FAP: variants seen among roughly 807,000 people sequenced by gnomAD.
FAP encodes fibroblast activation protein alpha.
In FAP, 110 loss-of-function variants were observed where a neutral mutation model predicts 126.5. That is an observed-to-expected ratio of 0.87 (90% CI 0.74 to 1.02). The LOEUF (loss-of-function observed/expected upper bound fraction) is 1.02. Ranked by LOEUF, FAP falls within the 50% of genes least tolerant of loss-of-function variation. FAP has a pLI of 0.00. For missense variants in FAP, 919 were observed against 909.2 expected (o/e 1.01, Z -0.14); for synonymous variants, 334 against 297.3 (o/e 1.12, Z -1.27).
Position 162,219,934 on chromosome 2 carries a change from A to G in FAP, c.414-9T>C, listed in dbSNP as rs371341712. ...TTCCTCTTACAAATTCTCTAGAAGG[A>G]AAGAAAGAAAGAAAAACAACAAACC... is the stretch of plus-strand genomic sequence containing the variant. On this transcript the variant is annotated splice_polypyrimidine_tract_variant and intron_variant, in intron 6 of 25. Coordinates refer to ENST00000188790, the MANE Select transcript of FAP (RefSeq NM_004460.5). 22 of 1,579,322 alleles carry G rather than the reference A, an allele frequency of 1.4e-5. No individual in the cohort carries two copies. In the African/African-American group the frequency reaches 3.0e-4, roughly 21 times the overall value.
chr2:162,188,287 C>A lies in FAP; in HGVS notation c.1696G>T (p.Gly566Trp). 6.2e-7 allele frequency: 1 copy of A among 1,613,380 alleles called. No homozygotes were observed. The highest frequency in any genetic ancestry group is 8.5e-7 in the Non-Finnish European group (1 of 1,179,548). Residue 566 changes from glycine (G) to tryptophan (W), a missense_variant, in exon 20 of 26, where the codon GGG (glycine) becomes TGG (tryptophan). Transcript: ENST00000188790. ...NWISYLASKE[G>W]MVIALVDGRG... Reference sequence around the variant, plus strand: ...CCATCCACCAAGGCAATGACCATCCCTTCCTTACTTGCAAGATAAGATATC... The same window carrying A: ...CCATCCACCAAGGCAATGACCATCCATTCCTTACTTGCAAGATAAGATATC...
intron 16 of FAP, chr2:162,197,875 C>G (rs1181740672): frequency 6.0e-6 from 2 of 333,414 alleles, no homozygotes; most frequent in African/African-American, 4.3e-5. Flanking sequence ...TAACTCTCAG[C>G]CCCAAATTAG....
chr2:162,195,497 A>G (rs1279606636), intron 16 of FAP, among the ~76,000 whole-genome samples: 5 of 151,656 alleles, frequency 3.3e-5, no homozygotes, highest in African/African-American at 1.2e-4. Context: ...GGGAGAAGAG[A>G]AAACTCTTCT....
intron 2 of FAP, among the ~76,000 whole-genome samples, chr2:162,236,850 T>C (rs1263925547): frequency 6.6e-6 from 1 of 152,076 alleles, no homozygotes; most frequent in East Asian, 1.9e-4. Flanking sequence ...TGATCCATCA[T>C]CTCAGCCTCC....
At position 162,218,149 on chromosome 2, in the gene FAP, T is replaced by G. The variant is rs775160908; in HGVS notation, c.608-9A>C. On this transcript the variant is annotated splice_polypyrimidine_tract_variant and intron_variant, in intron 8 of 25. Transcript: ENST00000188790. ...TGTAGCAAGCATTTCCTCTGAAAAA[T>G]AAGTACTAGGATATTAACTATAATT... The G allele has an allele frequency of 1.9e-6, 3 of 1,585,346 alleles. No homozygotes were observed. The highest frequency in any genetic ancestry group is 2.6e-6 in the Non-Finnish European group (3 of 1,163,198).
Position 162,226,626 on chromosome 2 carries a change from G to A in FAP, c.92-5C>T. Reference sequence around the variant, plus strand: ...TATTTTCTTCAGAGTTATGAACTTTGGGGGAAGAGCAAATACATCCTTATT... The same window carrying A: ...TATTTTCTTCAGAGTTATGAACTTTAGGGGAAGAGCAAATACATCCTTATT... On this transcript the variant is annotated splice_region_variant and splice_polypyrimidine_tract_variant and intron_variant, in intron 2 of 25. Transcript: ENST00000188790. 1.3e-6 allele frequency: 2 copies of A among 1,495,492 alleles called. No homozygotes were observed. The highest frequency in any genetic ancestry group is 1.8e-6 in the Non-Finnish European group (2 of 1,083,730). The allele number at this position is 1,495,492 out of a possible 1,614,324, so 92.6% of individuals were successfully genotyped here.
At chr2:162,226,227 T>C (rs1270317943) in intron 3 of FAP, among the ~76,000 whole-genome samples, 2 of 152,176 alleles carry the variant, frequency 1.3e-5, no homozygotes, top group Non-Finnish European at 1.5e-5. Context: ...TTCTCCTAAA[T>C]AGGAATATAT....
Position 162,189,705 on chromosome 2 carries a change from A to G in FAP, c.1500T>C (p.Asn500=). The change falls in exon 18 of 26, where the codon AAT becomes AAC. Residue 500 remains asparagine, a synonymous_variant. Transcript: ENST00000188790. ...TAATTTCCTCTTTAGGCAGCTGGAT[A>G]TTTTTCAAAGCATTTTCCAATTCCT... ...ENKELENALK[N]IQLPKEEIKK... 1 of 1,593,710 alleles carries G rather than the reference A, an allele frequency of 6.3e-7. No homozygotes were observed. Among genetic ancestry groups the G allele is most frequent in the African/African-American group, 1.3e-5 (1 of 74,242 alleles).
chr2:162,208,824 GTT>G (rs747233676), intron 12 of FAP, among the ~76,000 whole-genome samples: 45 of 139,242 alleles, frequency 3.2e-4, no homozygotes, highest in African/African-American at 1.1e-3. Flanking sequence ...AAATAGGAGG[GTT>G]TTTTTTTTTT....
intron 2 of FAP, among the ~76,000 whole-genome samples, chr2:162,232,106 CTATTTACAAGCTAA>C (rs1236903934): frequency 1.3e-5 from 2 of 151,886 alleles, no homozygotes; most frequent in Non-Finnish European, 2.9e-5. Context: ...GGGAAATATA[CTATTTACAAGCTAA>C]TATGATCAAA....
chr2:162,225,552 T>G lies in FAP; in HGVS notation c.216A>C (p.Ala72=). The G allele has an allele frequency of 6.3e-7, 1 of 1,599,366 alleles. No individual in the cohort carries two copies. Among genetic ancestry groups the G allele is most frequent in the Non-Finnish European group, 8.5e-7 (1 of 1,172,092 alleles). The change falls in exon 4 of 26, where the codon GCA becomes GCC. Residue 72 remains alanine (A), a synonymous_variant. Transcript: ENST00000188790. ...ISGQEYLHQS[A]DNNIVLYNIE... ...TATTATAAAGTACTATATTGTTATCTGCAGATTGATGAAGATATTCTTGTC... is the reference window on the plus strand; with the variant it reads ...TATTATAAAGTACTATATTGTTATCGGCAGATTGATGAAGATATTCTTGTC...
chr2:162,174,654 G>T (rs1033499216), intron 22 of FAP, among the ~76,000 whole-genome samples: 1 of 152,044 alleles, frequency 6.6e-6, no homozygotes. Flanking sequence ...AGATATAGTG[G>T]ATTATGGATG....
At chr2:162,215,030 T>G (rs1466079619) in intron 10 of FAP, among the ~76,000 whole-genome samples, 1 of 150,830 alleles carries the variant, frequency 6.6e-6, no homozygotes, top group Non-Finnish European at 1.5e-5. Flanking sequence ...AGAATGACAC[T>G]TTAAAAAAAA....
intron 6 of FAP, among the ~76,000 whole-genome samples, chr2:162,222,574 C>A: frequency 6.6e-6 from 1 of 151,934 alleles, no homozygotes; most frequent in East Asian, 1.9e-4. Flanking sequence ...CCTCTTCAAG[C>A]CATATAATTA....
chr2:162,214,518 G>C (rs186076940), intron 10 of FAP, among the ~76,000 whole-genome samples: 1 of 151,618 alleles, frequency 6.6e-6, no homozygotes, highest in Non-Finnish European at 1.5e-5. Context: ...CTAAGTTTTA[G>C]CTGTGACTGT....
At position 162,174,868 on chromosome 2, in the gene FAP, G is replaced by A. The variant is rs201719538; in HGVS notation, c.1968C>T (p.Tyr656=). 1.6e-5 allele frequency: 26 copies of A among 1,600,174 alleles called. No individual in the cohort carries two copies. The highest frequency in any genetic ancestry group is 1.3e-4 in the African/African-American group (10 of 74,484). ...AVAPVSSWEY[Y]ASVYTERFMG... ...TAACATTAATGAATGTTTCCATACC[G>A]TAATATTCCCAGCTGGAGACTGGAG... Residue 656 remains tyrosine (Y), a splice_region_variant and synonymous_variant, in exon 22 of 26, where the codon TAC becomes TAT. Coordinates refer to ENST00000188790, the MANE Select transcript of FAP (RefSeq NM_004460.5).
rs570351938 is a variant in FAP at position 162,232,804 on chromosome 2, G to C, written c.92-6183C>G. On this transcript the variant is annotated intron_variant, in intron 2 of 25. Transcript: ENST00000188790. ...TTTCTGGATAACTAAGGCTTTCAAA[G>C]ATCATAAGATATAATCAACCTAATG... 1.2e-4 allele frequency among the ~76,000 whole-genome samples: 19 copies of C among 152,298 alleles called. No homozygotes were observed. In the South Asian group the frequency reaches 3.7e-3, roughly 30 times the overall value.
chr2:162,195,352 A>T (rs777800421), intron 16 of FAP, among the ~76,000 whole-genome samples: 115 of 152,130 alleles, frequency 7.6e-4, no homozygotes, highest in Admixed American at 1.4e-3. Flanking sequence ...AGAATAGGGC[A>T]GGGAAGAAAG....
chr2:162,201,369 A>G (rs556703231), intron 14 of FAP, among the ~76,000 whole-genome samples: 2 of 152,314 alleles, frequency 1.3e-5, no homozygotes, highest in Admixed American at 6.5e-5. Context: ...AAGTAGAAGA[A>G]AAAAGCAATG....
Sources: gnomAD v4.1 joint callset for allele counts (sites outside exome capture counted in the v4.1 genomes callset) on GRCh38, gnomAD v4.1.1 for gene constraint, MANE v1.5 for transcripts, NCBI Gene and HGNC (gene_info 2026-07-23, HGNC 2026-07-21) for gene names.